SLC12A8: variants seen among roughly 807,000 people sequenced by gnomAD.
The protein encoded by SLC12A8 is cation-chloride cotransporter 9.
SLC12A8 carries 69 observed loss-of-function variants against 75.6 expected under a neutral mutation model. The observed-to-expected ratio is 0.91, with a 90% CI of 0.75 to 1.11. The LOEUF (loss-of-function observed/expected upper bound fraction) is 1.11, where lower values mean the gene tolerates loss of function less well. Among genes scored for constraint, SLC12A8 ranks in the 50% most tolerant of loss-of-function variants. The probability of loss-of-function intolerance (pLI) is 0.00; values close to 1 mark genes in which losing one functional copy is unlikely to be tolerated. For synonymous variants in SLC12A8, 365 were observed against 372.8 expected (o/e 0.98, Z 0.24); for missense variants, 877 against 896.7 (o/e 0.98, Z 0.28).
intron 8 of SLC12A8, among the ~76,000 whole-genome samples, chr3:125,115,695 T>C (rs1939293251): frequency 6.6e-6 from 1 of 151,460 alleles, no homozygotes; most frequent in Non-Finnish European, 1.5e-5. Context: ...CTGCAGCCAT[T>C]GAAGATAATT....
At chr3:125,106,710 C>A (rs1939034998) in intron 10 of SLC12A8, among the ~76,000 whole-genome samples, 1 of 152,160 alleles carries the variant, frequency 6.6e-6, no homozygotes. Context: ...TTTGCCCACA[C>A]CTGTCTGTAT....
Position 125,083,897 on chromosome 3 carries a change from T to G in SLC12A8, c.2138A>C (p.His713Pro), listed in dbSNP as rs1019588916. ...SLVNREQLMP[H>P]Y ...AAGGTCCCAGCACTGCATCTAGTAG[T>G]GAGGCATCAGCTGCTCCCGGTTCAC... The change falls in exon 14 of 14, where the codon CAC (histidine) becomes CCC (proline). Residue 713 changes from histidine (H) to proline (P), a missense_variant. Transcript: ENST00000469902. 6.2e-7 allele frequency: 1 copy of G among 1,612,406 alleles called. No homozygotes were observed. The highest frequency in any genetic ancestry group is 1.1e-5 in the South Asian group (1 of 90,524).
chr3:125,084,087 G>C, intron 13 of SLC12A8, 35 bp from the exon 14 acceptor site: 1 of 1,584,138 alleles, frequency 6.3e-7, no homozygotes. Context: ...TGGTGAGAAG[G>C]ACAGAACAGA....
rs944547132 is a variant in SLC12A8 at position 125,083,091 on chromosome 3, G to A, written c.*799C>T. 6.6e-6 allele frequency: 1 copy of A among 152,228 alleles called. No homozygotes were observed. The highest frequency in any genetic ancestry group is 2.4e-5 in the African/African-American group (1 of 41,452). The allele number at this position is 152,228 out of a possible 1,614,324, so 9.4% of individuals were successfully genotyped here. On this transcript the variant is annotated 3_prime_UTR_variant, in exon 14 of 14. Transcript: ENST00000469902. The stretch of plus-strand genomic sequence containing the variant: ...GAATAGTGGTTACCTCTAGGCCAGG[G>A]TAGACAGGAACTGAGCAGGTGGAGA...
At chr3:125,202,051 G>A (rs1326240533) in intron 2 of SLC12A8, among the ~76,000 whole-genome samples, 5 of 152,126 alleles carry the variant, frequency 3.3e-5, no homozygotes, top group African/African-American at 1.2e-4. Flanking sequence ...GGGATTACAG[G>A]CACCTGCCTC....
intron 5 of SLC12A8, among the ~76,000 whole-genome samples, chr3:125,149,594 A>G (rs1933868994): frequency 6.6e-6 from 1 of 152,230 alleles, no homozygotes; most frequent in South Asian, 2.1e-4. Context: ...TAATTTTACA[A>G]ACAAGAACCA....
intron 6 of SLC12A8, among the ~76,000 whole-genome samples, chr3:125,127,976 A>G (rs1331772251): frequency 2.0e-5 from 3 of 152,000 alleles, no homozygotes; most frequent in African/African-American, 7.3e-5. Context: ...TCCCGGGCTC[A>G]AGTGATTCTC....
chr3:125,204,117 C>A (rs948656735), intron 2 of SLC12A8, among the ~76,000 whole-genome samples: 1 of 152,140 alleles, frequency 6.6e-6, no homozygotes. Flanking sequence ...GAAAAGGGAA[C>A]CCTTGTGCAC....
intron 9 of SLC12A8, among the ~76,000 whole-genome samples, chr3:125,108,851 GAATTCTGACACT>G (rs1560054056): frequency 1.3e-5 from 2 of 152,130 alleles, no homozygotes. Flanking sequence ...TGGAGGAGGG[GAATTCTGACACT>G]AATTCTGACA....
At chr3:125,176,319 T>C (rs146865279) in intron 5 of SLC12A8, among the ~76,000 whole-genome samples, 6,105 of 152,186 alleles carry the variant, frequency 0.04, 151 homozygotes, top group East Asian at 0.067. Context: ...GATCCACCTG[T>C]CTCGGCCTCC....
At chr3:125,128,746 G>C (rs967834999) in intron 6 of SLC12A8, among the ~76,000 whole-genome samples, 1 of 152,148 alleles carries the variant, frequency 6.6e-6, no homozygotes, top group Non-Finnish European at 1.5e-5. Flanking sequence ...GGGCTCTCTA[G>C]TCCTTAAACA....
At chr3:125,135,050 C>T (rs184098034) in intron 6 of SLC12A8, among the ~76,000 whole-genome samples, 1 of 152,202 alleles carries the variant, frequency 6.6e-6, no homozygotes, top group African/African-American at 2.4e-5. Context: ...GGGGCAGGAG[C>T]CCTACAGGGA....
intron 5 of SLC12A8, among the ~76,000 whole-genome samples, chr3:125,176,005 T>G (rs1934519018): frequency 6.6e-6 from 1 of 152,078 alleles, no homozygotes; most frequent in Non-Finnish European, 1.5e-5. Context: ...ACAGAAGATT[T>G]TAACATGCTC....
chr3:125,133,154 G>A (rs1274281905), intron 6 of SLC12A8, among the ~76,000 whole-genome samples: 1 of 151,600 alleles, frequency 6.6e-6, no homozygotes, highest in Non-Finnish European at 1.5e-5. Context: ...GAGAGGGAAA[G>A]GCTATTGCTA....
chr3:125,145,147 C>G (rs916220689), intron 5 of SLC12A8, among the ~76,000 whole-genome samples: 1 of 152,204 alleles, frequency 6.6e-6, no homozygotes, highest in African/African-American at 2.4e-5. Context: ...GAGATGCCCA[C>G]GTCACAAAGT....
intron 10 of SLC12A8, among the ~76,000 whole-genome samples, chr3:125,099,411 G>C (rs1938804188): frequency 6.6e-6 from 1 of 151,998 alleles, no homozygotes; most frequent in African/African-American, 2.4e-5. Flanking sequence ...AAAATTACAA[G>C]ACATGCAAAA....
At chr3:125,154,673 A>G (rs1934006994) in intron 5 of SLC12A8, 1 of 152,176 alleles carries the variant, frequency 6.6e-6, no homozygotes, top group Non-Finnish European at 1.5e-5. Context: ...CTATATATGC[A>G]TACCTATGGT....
In SLC12A8 at chr3:125,092,311, C is replaced by T. The variant is rs967693359; in HGVS notation, c.1706-113G>A. On this transcript the variant is annotated intron_variant, in intron 10 of 13. Transcript: ENST00000469902. Reference sequence around the variant, plus strand: ...CAATTTTGTAACTTAGCCTAAAAGACATCTCCCAGGGCTTGCTCTTGCAGA... The same window carrying T: ...CAATTTTGTAACTTAGCCTAAAAGATATCTCCCAGGGCTTGCTCTTGCAGA... The T allele has an allele frequency of 4.6e-6, 3 of 649,624 alleles. No homozygotes were observed. The African/African-American group carries it at 5.4e-5, about 12-fold the overall frequency. 40.2% of individuals were successfully genotyped at this position (649,624 alleles called of 1,614,324 possible). A position where few individuals can be genotyped will look rare whatever the true frequency, so the allele number is the denominator to read the frequency against.
chr3:125,197,106 C>T (rs1309598290), intron 2 of SLC12A8, among the ~76,000 whole-genome samples: 1 of 151,958 alleles, frequency 6.6e-6, no homozygotes, highest in Non-Finnish European at 1.5e-5. Context: ...ATATCTTGTA[C>T]CAGAAAGTAG....
Sources: allele counts gnomAD v4.1 joint callset (sites outside exome capture counted in the v4.1 genomes callset), GRCh38; gene constraint gnomAD v4.1.1; transcripts MANE v1.5; gene names NCBI Gene and HGNC (gene_info 2026-07-23, HGNC 2026-07-21).